Variants in IRS4 observed in about 807,000 individuals in gnomAD.
IRS4 encodes insulin receptor substrate 4.
In IRS4, 15 loss-of-function variants were observed where a neutral mutation model predicts 48.6. The observed-to-expected ratio is 0.31, with a 90% CI of 0.21 to 0.48. The LOEUF is 0.48. Ranked by LOEUF, IRS4 falls within the 20% of genes least tolerant of loss-of-function variation. The pLI, the probability that IRS4 is intolerant of heterozygous loss-of-function variation, is 0.99. For synonymous variants in IRS4, 459 were observed against 413.2 expected (o/e 1.11, Z -1.34); for missense variants, 987 against 1,023.4 (o/e 0.96, Z 0.49).
In IRS4 at chrX:108,735,018, G is replaced by A. The variant is rs2068937300; in HGVS notation, c.1327C>T (p.Pro443Ser). The A allele has an allele frequency of 8.3e-7, 1 of 1,210,277 alleles. No homozygotes were observed. Among genetic ancestry groups the A allele is most frequent in the Non-Finnish European group, 1.1e-6 (1 of 895,314 alleles). ...FRRLAPSPAR[P>S]RHPAEAPNNG... ...TTCGGGGCTTCTGCAGGGTGCCGGG[G>A]ACGTGCTGGGCTGGGTGCTAAGCGG... The change falls in exon 1 of 2, where the codon CCC becomes TCC. Residue 443 changes from proline (P) to serine (S), a missense_variant. This residue lies in a region of IRS4 where 720 missense variants were observed against 660.3 expected (regional missense o/e 1.09). Transcript: ENST00000372129.
Position 108,735,689 on chromosome X carries a change from G to A in IRS4, c.656C>T (p.Ala219Val). ...CTCCGCCGCCGCTGCCGCCGCCAGC[G>A]CGGCCGGCTCTCCGTCCGGCTGCGC... ...LGAQPDGEPA[A>V]LAAAAAAEPP... The change falls in exon 1 of 2, where the codon GCG (alanine) becomes GTG (valine). Residue 219 changes from alanine to valine, a missense_variant. Physicochemically the swap from Ala to Val is moderately conservative, Grantham distance 64. This residue lies in a region of IRS4 where 173 missense variants were observed against 208.9 expected (regional missense o/e 0.83). Transcript: ENST00000372129. The A allele has an allele frequency of 8.5e-7, 1 of 1,183,216 alleles. No homozygotes were observed.
rs1360136518 is a variant in IRS4, at chrX:108,735,041, C to A, written c.1304G>T (p.Arg435Leu). 2.5e-6 allele frequency: 3 copies of A among 1,211,755 alleles called. No individual in the cohort carries two copies. The East Asian group carries it at 8.9e-5, about 36-fold the overall frequency. The change falls in exon 1 of 2, where the codon CGC (arginine) becomes CTC (leucine). Residue 435 changes from arginine to leucine, a missense_variant. Physicochemically the swap from Arg to Leu is moderately radical, Grantham distance 102. Coordinates refer to ENST00000372129, the MANE Select transcript of IRS4 (RefSeq NM_001379150.1). ...GGGACGTGCTGGGCTGGGTGCTAAG[C>A]GGCGAAAAAAGCTGGCCGGCACTGA... ...AVSVPASFFR[R>L]LAPSPARPRH... is the part of the protein sequence containing the mutation.
In IRS4 at chrX:108,735,059, G is replaced by C. The variant is rs778028218; in HGVS notation, c.1286C>G (p.Pro429Arg). ...TGCTAAGCGGCGAAAAAAGCTGGCC[G>C]GCACTGAAACCGCTCTCCTTGACCT... is the stretch of plus-strand genomic sequence containing the variant. ...GRRSRRAVSV[P>R]ASFFRRLAPS... The change falls in exon 1 of 2, where the codon CCG becomes CGG. Residue 429 changes from proline to arginine, a missense_variant. Physicochemically the swap from Pro to Arg is moderately radical, Grantham distance 103 (BLOSUM62 -2). Coordinates refer to ENST00000372129, the MANE Select transcript of IRS4 (RefSeq NM_001379150.1). 7 of 1,211,861 alleles carry C rather than the reference G, an allele frequency of 5.8e-6. No homozygotes were observed. The highest frequency in any genetic ancestry group is 7.8e-6 in the Non-Finnish European group (7 of 895,552).
At position 108,732,927 on chromosome X, in the gene IRS4, G is replaced by C. The variant is rs757949684; in HGVS notation, c.3418C>G (p.Leu1140Val). Residue 1140 changes from leucine to valine, a missense_variant, in exon 1 of 2, where the codon CTC (leucine) becomes GTC (valine). Physicochemically the swap from Leu to Val is conservative, Grantham distance 32 (BLOSUM62 1). Coordinates refer to ENST00000372129, the MANE Select transcript of IRS4 (RefSeq NM_001379150.1). ...LSQVVAAASALAAAPGIGAAA... is the reference protein window; with the variant it reads ...LSQVVAAASAVAAAPGIGAAA... ...GCGCCGATGCCCGGGGCTGCGGCGA[G>C]CGCGGAGGCCGCAGCTACAACTTGG... 1.7e-6 allele frequency: 2 copies of C among 1,183,680 alleles called. No individual in the cohort carries two copies. Among genetic ancestry groups the C allele is most frequent in the Admixed American group, 4.6e-5 (2 of 43,364 alleles).
rs762032902 is a variant in IRS4 at position 108,735,294 on chromosome X, G to T, written c.1051C>A (p.Leu351Met). 8.3e-7 allele frequency: 1 copy of T among 1,209,729 alleles called. No homozygotes were observed. ...CTCCTAGCGGACAGCAGGGTTAACA[G>T]GTGGGCGCCGATGCTGATGCTGTAG... ...RSYSISIGAH[L>M]LTLLSARRHL... The change falls in exon 1 of 2, where the codon CTG becomes ATG. Residue 351 changes from leucine to methionine, a missense_variant. This residue lies in a region of IRS4 where 74 missense variants were observed against 100.4 expected (regional missense o/e 0.74). Coordinates refer to ENST00000372129, the MANE Select transcript of IRS4 (RefSeq NM_001379150.1).
Position 108,736,082 on chromosome X carries a change from T to C in IRS4, c.263A>G (p.Gln88Arg). ...EVCKRGYLRKQKHGHRRYFVL... is the reference protein window; with the variant it reads ...EVCKRGYLRKRKHGHRRYFVL... ...GAAGTAGCGCCTGTGCCCATGCTTC[T>C]GTTTCCGCAGGTAGCCGCGTTTGCA... Residue 88 changes from glutamine to arginine, a missense_variant, in exon 1 of 2, where the codon CAG becomes CGG. By Grantham distance (43) the Gln-to-Arg change is conservative. This residue lies in a region of IRS4 where 173 missense variants were observed against 208.9 expected (regional missense o/e 0.83). Transcript: ENST00000372129. The C allele has an allele frequency of 8.3e-7, 1 of 1,210,982 alleles. No homozygotes were observed. The highest frequency in any genetic ancestry group is 1.1e-6 in the Non-Finnish European group (1 of 895,407).
chrX:108,733,709 T>C lies in IRS4; in HGVS notation c.2636A>G (p.His879Arg), dbSNP rs1330273619. The C allele has an allele frequency of 3.3e-6, 4 of 1,211,936 alleles. No homozygotes were observed. Among genetic ancestry groups the C allele is most frequent in the East Asian group, 5.9e-5 (2 of 33,855 alleles). The change falls in exon 1 of 2, where the codon CAT becomes CGT. Residue 879 changes from histidine to arginine, a missense_variant. Physicochemically the swap from His to Arg is conservative, Grantham distance 29. Coordinates refer to ENST00000372129, the MANE Select transcript of IRS4 (RefSeq NM_001379150.1). ...CTTAGCTTTATTCTTTGGGGGCTCA[T>C]GATCTGAAGGCTTTGAAGGTGATCC... ...DGGSPSKPSDHEPPKNKAKRP... is the reference protein window; with the variant it reads ...DGGSPSKPSDREPPKNKAKRP...
At position 108,734,517 on chromosome X, in the gene IRS4, G is replaced by C; in HGVS notation, c.1828C>G (p.Leu610Val). The change falls in exon 1 of 2, where the codon CTG becomes GTG. Residue 610 changes from leucine to valine, a missense_variant. Around this residue, in one of 4 missense-constraint regions of IRS4, gnomAD observed 720 missense variants for 660.3 expected, o/e 1.09. Transcript: ENST00000372129. Reference protein sequence around the residue: ...SDGDGERGKSLKKRSYFGKLT... With the variant: ...SDGDGERGKSVKKRSYFGKLT... ...TTGCCAAAATAGGATCTTTTCTTCA[G>C]AGATTTTCCACGTTCACCATCACCA... 1.7e-6 allele frequency: 2 copies of C among 1,211,424 alleles called. No individual in the cohort carries two copies. Among genetic ancestry groups the C allele is most frequent in the Non-Finnish European group, 2.2e-6 (2 of 895,449 alleles).
chrX:108,734,152 G>T lies in IRS4; in HGVS notation c.2193C>A (p.Arg731=). ...AATCTTCAAAAGGGGATCGAGAGTG[G>T]CGCTTTTTTGAAGCAGAGACATTTT... ...APQNVSASKK[R]HSRSPFEDSR... Residue 731 remains arginine (R), a synonymous_variant, in exon 1 of 2, where the codon CGC becomes CGA. Coordinates refer to ENST00000372129, the MANE Select transcript of IRS4 (RefSeq NM_001379150.1). 1 of 1,211,080 alleles carries T rather than the reference G, an allele frequency of 8.3e-7. No individual in the cohort carries two copies. Among genetic ancestry groups the T allele is most frequent in the Non-Finnish European group, 1.1e-6 (1 of 895,315 alleles).
intron 1 of IRS4, chrX:108,724,177 G>T (rs1274035467): frequency 1.8e-5 from 2 of 111,356 alleles, no homozygotes; most frequent in African/African-American, 6.5e-5. Context: ...TACCCTATTG[G>T]CATTATACTA....
At position 108,733,253 on chromosome X, in the gene IRS4, A is replaced by G; in HGVS notation, c.3092T>C (p.Leu1031Pro). ...FNSAMTPAMA[L>P]ADSAIRYDAE... Reference sequence around the variant, plus strand: ...ATCATAGCGAATGGCACTGTCAGCAAGAGCCATGGCTGGTGTCATTGCTGA... The same window carrying G: ...ATCATAGCGAATGGCACTGTCAGCAGGAGCCATGGCTGGTGTCATTGCTGA... Residue 1031 changes from leucine (L) to proline (P), a missense_variant, in exon 1 of 2, where the codon CTT becomes CCT. By Grantham distance (98) the Leu-to-Pro change is moderately conservative. Coordinates refer to ENST00000372129, the MANE Select transcript of IRS4 (RefSeq NM_001379150.1). 2 of 1,212,019 alleles carry G rather than the reference A, an allele frequency of 1.7e-6. No homozygotes were observed. The highest frequency in any genetic ancestry group is 2.2e-6 in the Non-Finnish European group (2 of 895,613).
Position 108,733,550 on chromosome X carries a change from T to C in IRS4, c.2795A>G (p.Asn932Ser). Residue 932 changes from asparagine (N) to serine (S), a missense_variant, in exon 1 of 2, where the codon AAT (asparagine) becomes AGT (serine). By Grantham distance (46) the Asn-to-Ser change is conservative. Around this residue, in one of 4 missense-constraint regions of IRS4, gnomAD observed 720 missense variants for 660.3 expected, o/e 1.09. Transcript: ENST00000372129. Reference sequence around the variant, plus strand: ...TCCTTGAGTAGAGGGAGCTGGTGTATTGCTCTCTCTTTTAGTGAAGTCCAT... The same window carrying C: ...TCCTTGAGTAGAGGGAGCTGGTGTACTGCTCTCTCTTTTAGTGAAGTCCAT... ...VNMDFTKRES[N>S]TPAPSTQGLP... 1 of 1,211,587 alleles carries C rather than the reference T, an allele frequency of 8.3e-7. No homozygotes were observed. Among genetic ancestry groups the C allele is most frequent in the African/African-American group, 1.7e-5 (1 of 57,900 alleles).
rs2068956040 is a variant in IRS4 at position 108,736,489 on chromosome X, G to A, written c.-145C>T. 5.2e-6 allele frequency: 5 copies of A among 966,303 alleles called. No homozygotes were observed. The South Asian group carries it at 7.1e-5, about 14-fold the overall frequency. The allele number at this position is 966,303 out of a possible 1,213,427, so 79.6% of individuals were successfully genotyped here. On this transcript the variant is annotated 5_prime_UTR_variant, in exon 1 of 2. Coordinates refer to ENST00000372129, the MANE Select transcript of IRS4 (RefSeq NM_001379150.1). Reference sequence around the variant, plus strand: ...CGCCCCCGCCCACTCCACTCTGAGCGCACGACAGCGGGCAAAACAACACGT... The same window carrying A: ...CGCCCCCGCCCACTCCACTCTGAGCACACGACAGCGGGCAAAACAACACGT...
chrX:108,733,481 G>T lies in IRS4; in HGVS notation c.2864C>A (p.Ala955Asp). The T allele has an allele frequency of 1.7e-6, 2 of 1,211,605 alleles. No individual in the cohort carries two copies. The highest frequency in any genetic ancestry group is 2.2e-6 in the Non-Finnish European group (2 of 895,480). Reference sequence around the variant, plus strand: ...CTCAACATTCACATAATTAGAAAAGGCTGACTGTCTGGGTTCAGCAATTAT... The same window carrying T: ...CTCAACATTCACATAATTAGAAAAGTCTGACTGTCTGGGTTCAGCAATTAT... ...WGIIAEPRQS[A>D]FSNYVNVEFG... is the part of the protein sequence containing the mutation. The change falls in exon 1 of 2, where the codon GCC (alanine) becomes GAC (aspartate). Residue 955 changes from alanine (A) to aspartate (D), a missense_variant. Transcript: ENST00000372129.
Position 108,721,922 on chromosome X carries a change from C to A in IRS4, c.*597G>T, listed in dbSNP as rs1234233125. The stretch of plus-strand genomic sequence containing the variant: ...AATGAGCAAAACTTGAAATAATCTG[C>A]CCTTTAGTCCTGCCTTTAAAATACT... On this transcript the variant is annotated 3_prime_UTR_variant, in exon 2 of 2. Transcript: ENST00000372129. 2 of 111,309 alleles carry A rather than the reference C, an allele frequency of 1.8e-5. No individual in the cohort carries two copies. Among genetic ancestry groups the A allele is most frequent in the Non-Finnish European group, 3.8e-5 (2 of 53,030 alleles). The allele number at this position is 111,309 out of a possible 1,213,427, so 9.2% of individuals were successfully genotyped here. A position where few individuals can be genotyped will look rare whatever the true frequency, so the allele number is the denominator to read the frequency against.
At position 108,733,943 on chromosome X, in the gene IRS4, G is replaced by A. The variant is rs2068926836; in HGVS notation, c.2402C>T (p.Ser801Phe). ...GAAGTAGGAGCTCCAACTTTTGGAG[G>A]AAGAGCCACCCTGAGGATTTCTGGG... ...KNPRNPQGGS[S>F]SKSWSSYFSL... Residue 801 changes from serine (S) to phenylalanine (F), a missense_variant, in exon 1 of 2, where the codon TCC (serine) becomes TTC (phenylalanine). Physicochemically the swap from Ser to Phe is radical, Grantham distance 155 (BLOSUM62 -2). Transcript: ENST00000372129. 8.3e-7 allele frequency: 1 copy of A among 1,211,982 alleles called. No homozygotes were observed. Among genetic ancestry groups the A allele is most frequent in the South Asian group, 1.8e-5 (1 of 57,024 alleles).
rs17847228 is a variant in IRS4 at position 108,732,473 on chromosome X, T to C, written c.3766+106A>G. 171 of 1,170,374 alleles carry C rather than the reference T, an allele frequency of 1.5e-4. No homozygotes were observed. In the East Asian group the frequency reaches 5.1e-3, roughly 35 times the overall value. ...ACTGAATTCTATACTCCATGTCGAA[T>C]AGCACCAGTTAATGAAATAGTATCC... On this transcript the variant is annotated intron_variant, in intron 1 of 1. Coordinates refer to ENST00000372129, the MANE Select transcript of IRS4 (RefSeq NM_001379150.1).
rs780577952 is a variant in IRS4 at position 108,720,719 on chromosome X, G to A, written c.*1800C>T. On this transcript the variant is annotated 3_prime_UTR_variant, in exon 2 of 2. Coordinates refer to ENST00000372129, the MANE Select transcript of IRS4 (RefSeq NM_001379150.1). ...TTATAATGAACAAAAGCCACACTGC[G>A]TTATTTGATTAGGTTGGAAAAAGAG... 2.7e-5 allele frequency: 3 copies of A among 111,612 alleles called. No individual in the cohort carries two copies. The highest frequency in any genetic ancestry group is 3.8e-4 in the South Asian group (1 of 2,654). 9.2% of individuals were successfully genotyped at this position (111,612 alleles called of 1,213,427 possible). A position where few individuals can be genotyped will look rare whatever the true frequency, so the allele number is the denominator to read the frequency against.
rs1360221752 is a variant in IRS4, at chrX:108,734,046, C to T, written c.2299G>A (p.Glu767Lys). Residue 767 changes from glutamate to lysine, a missense_variant, in exon 1 of 2, where the codon GAG (glutamate) becomes AAG (lysine). This residue lies in a region of IRS4 where 720 missense variants were observed against 660.3 expected (regional missense o/e 1.09). Coordinates refer to ENST00000372129, the MANE Select transcript of IRS4 (RefSeq NM_001379150.1). ...CTGTCATTGTCCTTTGAGTCATCCT[C>T]TTTATTAGTATCAGGTGCTTTTGGA... is the stretch of plus-strand genomic sequence containing the variant. ...SPPKAPDTNK[E>K]DDSKDNDSES... is the part of the protein sequence containing the mutation. The T allele has an allele frequency of 9.9e-6, 12 of 1,209,960 alleles. No individual in the cohort carries two copies. In the South Asian group the frequency reaches 2.1e-4, roughly 21 times the overall value.
Sources: gnomAD v4.1 joint callset for allele counts on GRCh38, gnomAD v4.1.1 for gene constraint, gnomAD v4.1.1 regional missense constraint, MANE v1.5 for transcripts, NCBI Gene and HGNC (gene_info 2026-07-23, HGNC 2026-07-21) for gene names.